Variants in PCDH9 observed in about 807,000 individuals in gnomAD.
PCDH9 encodes protocadherin 9, also known as protocadherin-9.
PCDH9 carries 24 observed loss-of-function variants against 70.6 expected under a neutral mutation model. The observed-to-expected ratio is 0.34, with a 90% CI of 0.25 to 0.48. PCDH9 has a LOEUF of 0.48. Ranked by LOEUF, PCDH9 falls within the 20% of genes least tolerant of loss-of-function variation. PCDH9 has a pLI of 0.99. For missense variants in PCDH9, 1,281 were observed against 1,503.6 expected (o/e 0.85, Z 2.45); for synonymous variants, 562 against 558.5 (o/e 1.01, Z -0.09).
chr13:66,568,992 G>GTTTTT (rs1263205330), intron 4 of PCDH9, among the ~76,000 whole-genome samples: 78 of 80,628 alleles, frequency 9.7e-4, no homozygotes, highest in African/African-American at 1.2e-3. Context: ...TTGGAAACAT[G>GTTTTT]TCTTTTTTTT....
intron 3 of PCDH9, among the ~76,000 whole-genome samples, chr13:66,850,268 C>T (rs772816062): frequency 6.6e-6 from 1 of 152,132 alleles, no homozygotes; most frequent in Non-Finnish European, 1.5e-5. Flanking sequence ...CCTGTAATGC[C>T]AGCATTTTGG....
At chr13:66,608,965 T>C (rs1038148489) in intron 4 of PCDH9, among the ~76,000 whole-genome samples, 10 of 152,220 alleles carry the variant, frequency 6.6e-5, no homozygotes, top group African/African-American at 1.2e-4. Flanking sequence ...CACGGTCTCC[T>C]TTACTGTCTC....
intron 2 of PCDH9, chr13:67,217,901 A>G (rs1294168668): frequency 1.3e-5 from 2 of 152,054 alleles, no homozygotes; most frequent in African/African-American, 4.8e-5. Flanking sequence ...AATAATTAGA[A>G]TCATCCAACA....
intron 4 of PCDH9, among the ~76,000 whole-genome samples, chr13:66,515,563 T>C (rs1346414440): frequency 6.6e-5 from 10 of 152,022 alleles, no homozygotes; most frequent in Non-Finnish European, 1.5e-4. Flanking sequence ...GTAGTAATGC[T>C]TTTATTTGGC....
chr13:67,177,976 A>G (rs1039531881), intron 2 of PCDH9, among the ~76,000 whole-genome samples: 1 of 152,062 alleles, frequency 6.6e-6, no homozygotes, highest in Non-Finnish European at 1.5e-5. Context: ...GCCCTGCTCA[A>G]TAAGGGAAAG....
At chr13:66,512,800 TTTTC>T (rs1187225060) in intron 4 of PCDH9, among the ~76,000 whole-genome samples, 8 of 152,174 alleles carry the variant, frequency 5.3e-5, no homozygotes, top group Admixed American at 2.6e-4. Context: ...TTCTTTTCTC[TTTTC>T]TTTCTTTCTT....
intron 4 of PCDH9, among the ~76,000 whole-genome samples, chr13:66,613,189 AGAG>A (rs2077314096): frequency 6.6e-6 from 1 of 152,106 alleles, no homozygotes; most frequent in Non-Finnish European, 1.5e-5. Flanking sequence ...GCTTGGTCGA[AGAG>A]TGCAGCAGAG....
chr13:66,309,714 C>G (rs1398779382), intron 4 of PCDH9, among the ~76,000 whole-genome samples: 1 of 151,528 alleles, frequency 6.6e-6, no homozygotes, highest in East Asian at 1.9e-4. Context: ...TTCATTCATA[C>G]AGTCTCTCAA....
intron 4 of PCDH9, among the ~76,000 whole-genome samples, chr13:66,320,038 T>G (rs2138085739): frequency 6.6e-6 from 1 of 152,210 alleles, no homozygotes; most frequent in African/African-American, 2.4e-5. Flanking sequence ...ATTATAAAAC[T>G]TAAAGTATCC....
chr13:66,977,130 C>T (rs1323924), intron 2 of PCDH9, among the ~76,000 whole-genome samples: 149,580 of 152,202 alleles, frequency 0.98, 73,569 homozygotes, highest in East Asian at 1. Context: ...TTATACTTCT[C>T]CCTCTGTGAT....
In PCDH9 at chr13:66,653,923, G is replaced by A. The variant is rs547256566; in HGVS notation, c.3139-22512C>T. ...GCAGAGCTTGCAGTGAGCTGAGATC[G>A]TGCCACTGCACTCCAGCCTGGGCGA... On this transcript the variant is annotated intron_variant, in intron 3 of 4. Transcript: ENST00000377865. Among the ~76,000 whole-genome samples, 5 of 146,906 alleles carry A rather than the reference G, an allele frequency of 3.4e-5. No homozygotes were observed. In the South Asian group the frequency reaches 6.4e-4, roughly 19 times the overall value.
chr13:67,038,890 C>T (rs770662374), intron 2 of PCDH9, among the ~76,000 whole-genome samples: 2 of 152,098 alleles, frequency 1.3e-5, no homozygotes, highest in African/African-American at 2.4e-5. Flanking sequence ...TGAGGCAAGT[C>T]TTAGCAGTCC....
chr13:66,402,544 A>G lies in PCDH9; in HGVS notation c.3341-97516T>C, dbSNP rs567850388. On this transcript the variant is annotated intron_variant, in intron 4 of 4. Coordinates refer to ENST00000377865, the MANE Select transcript of PCDH9 (RefSeq NM_203487.3). ...AGATTTTAAAGTCATAATGATCACA[A>G]TCTGATTGTTGATTGGCCTGAATCT... Among the ~76,000 whole-genome samples the G allele has an allele frequency of 2.0e-4, 30 of 152,232 alleles. No individual in the cohort carries two copies. In the South Asian group the frequency reaches 5.4e-3, roughly 27 times the overall value.
At chr13:66,929,091 C>A (rs1034799653) in intron 2 of PCDH9, among the ~76,000 whole-genome samples, 2 of 151,876 alleles carry the variant, frequency 1.3e-5, no homozygotes, top group African/African-American at 4.8e-5. Flanking sequence ...AACTTTTTAG[C>A]AAAATATGAA....
chr13:67,035,157 A>AT (rs1323385005), intron 2 of PCDH9, among the ~76,000 whole-genome samples: 1 of 152,164 alleles, frequency 6.6e-6, no homozygotes, highest in African/African-American at 2.4e-5. Context: ...TTATAAATAG[A>AT]TCTTTTGACC....
intron 2 of PCDH9, among the ~76,000 whole-genome samples, chr13:66,953,572 A>G (rs2083219193): frequency 6.6e-6 from 1 of 152,180 alleles, no homozygotes; most frequent in Admixed American, 6.5e-5. Flanking sequence ...TGATAACTGT[A>G]TCAATGTTGT....
chr13:66,917,757 T>C (rs2082579489), intron 2 of PCDH9, among the ~76,000 whole-genome samples: 1 of 151,428 alleles, frequency 6.6e-6, no homozygotes, highest in African/African-American at 2.4e-5. Context: ...TGCTCCTTAT[T>C]AATATAAACA....
intron 4 of PCDH9, among the ~76,000 whole-genome samples, chr13:66,507,443 C>T (rs780879786): frequency 3.6e-4 from 55 of 152,226 alleles, no homozygotes; most frequent in Middle Eastern, 6.8e-3. Context: ...TATGCCACCC[C>T]TCTACTGTTT....
chr13:66,559,678 T>C (rs1199511425), intron 4 of PCDH9, among the ~76,000 whole-genome samples: 1 of 150,844 alleles, frequency 6.6e-6, no homozygotes, highest in Non-Finnish European at 1.5e-5. Flanking sequence ...CGGGTGCCTG[T>C]AGTCCCAGCT....
Sources: gnomAD v4.1 joint callset for allele counts (sites outside exome capture counted in the v4.1 genomes callset) on GRCh38, gnomAD v4.1.1 for gene constraint, MANE v1.5 for transcripts, NCBI Gene and HGNC (gene_info 2026-07-23, HGNC 2026-07-21) for gene names.